The following IL36B variants were observed in gnomAD, a reference collection of about 807,000 sequenced individuals.
IL36B encodes interleukin-36 beta.
In IL36B, 23 loss-of-function variants were observed where a neutral mutation model predicts 19.3. The observed-to-expected ratio is 1.19, with a 90% confidence interval of 0.86 to 1.69. The LOEUF is 1.69. Ranked by LOEUF, IL36B falls within the 40% of genes most tolerant of loss-of-function variation. The probability of loss-of-function intolerance (pLI) is 0.00; values close to 1 mark genes in which losing one functional copy is unlikely to be tolerated. For missense variants in IL36B, 217 were observed against 200.5 expected (o/e 1.08, Z -0.50); for synonymous variants, 59 against 59.7 (o/e 0.99, Z 0.05).
At chr2:113,031,281 A>G in intron 2 of IL36B, 126 bp from the exon 3 acceptor site, 1 of 684,922 alleles carries the variant, frequency 1.5e-6, no homozygotes, top group Non-Finnish European at 2.6e-6. Flanking sequence ...AGTAGTGGCT[A>G]TAACGATAAA....
At chr2:113,044,937 C>CAAATATATATGTAATAA (rs1685323974) in intron 1 of IL36B, among the ~76,000 whole-genome samples, 1 of 152,066 alleles carries the variant, frequency 6.6e-6, no homozygotes, top group African/African-American at 2.4e-5. Flanking sequence ...CACAGTCTCC[C>CAAATATATATGTAATAA]ATAGTAAAAT....
intron 1 of IL36B, among the ~76,000 whole-genome samples, chr2:113,050,462 G>C (rs1685423956): frequency 6.6e-6 from 1 of 152,146 alleles, no homozygotes; most frequent in South Asian, 2.1e-4. Context: ...GGGGAGTGAG[G>C]AGTTATTGTT....
At chr2:113,033,664 T>A (rs1361416272) in intron 1 of IL36B, among the ~76,000 whole-genome samples, 12 of 152,098 alleles carry the variant, frequency 7.9e-5, no homozygotes, top group Admixed American at 7.9e-4. Flanking sequence ...AGAAGCCAAG[T>A]CTCTCTATTC....
At chr2:113,027,927 G>A in intron 4 of IL36B, 1 of 1,614,168 alleles carries the variant, frequency 6.2e-7, no homozygotes. Flanking sequence ...CTAAGTAGAA[G>A]TTAGTGTTAT....
intron 4 of IL36B, chr2:113,028,022 A>G: frequency 6.2e-7 from 1 of 1,614,158 alleles, no homozygotes; most frequent in Non-Finnish European, 8.5e-7. Context: ...TAAGAGACTG[A>G]CTGAAAGACA....
At chr2:113,026,305 C>T (rs554454182) in intron 4 of IL36B, 142 of 1,593,554 alleles carry the variant, frequency 8.9e-5, no homozygotes, top group African/African-American at 7.9e-4. Context: ...GTTGGTTGCA[C>T]GGCAATGACT....
rs531834798 is a variant in IL36B, at chr2:113,026,052, G to A, written c.391+51C>T. 2.3e-5 allele frequency: 37 copies of A among 1,594,150 alleles called. No individual in the cohort carries two copies. In the East Asian group the frequency reaches 2.5e-4, roughly 11 times the overall value. On this transcript the variant is annotated intron_variant, in intron 5 of 5. Coordinates refer to ENST00000259213, the MANE Select transcript of IL36B (RefSeq NM_014438.5). ...CTCTGAGGAACCATGAAGAATGAAC[G>A]CATCTCAGAATTGTCCACCTGTGGG...
chr2:113,031,012 C>T (rs752472842), intron 3 of IL36B, 36 bp downstream of exon 3: 4 of 1,451,424 alleles, frequency 2.8e-6, no homozygotes, highest in East Asian at 2.3e-5. Flanking sequence ...GATGGCATCA[C>T]CTCAAGAAGC....
In IL36B at chr2:113,022,218, C is replaced by T. The variant is rs1367647389; in HGVS notation, c.*456G>A. 1.3e-5 allele frequency: 2 copies of T among 153,466 alleles called. No individual in the cohort carries two copies. Among genetic ancestry groups the T allele is most frequent in the African/African-American group, 2.4e-5 (1 of 41,426 alleles). The allele number at this position is 153,466 out of a possible 1,614,324, so 9.5% of individuals were successfully genotyped here. On this transcript the variant is annotated 3_prime_UTR_variant, in exon 6 of 6. Transcript: ENST00000259213. ...ACATACTAAACAGAGCGTTTCACTC[C>T]TCATGCTCTAGTGAATAATTGCACA...
chr2:113,039,143 GACTC>G (rs1158623952), intron 1 of IL36B, among the ~76,000 whole-genome samples: 6 of 152,192 alleles, frequency 3.9e-5, no homozygotes, highest in Non-Finnish European at 8.8e-5. Flanking sequence ...CTGGATATGA[GACTC>G]ACTCTGGTCA....
intron 5 of IL36B, among the ~76,000 whole-genome samples, chr2:113,024,019 T>G (rs1011852061): frequency 6.6e-6 from 1 of 152,152 alleles, no homozygotes; most frequent in African/African-American, 2.4e-5. Context: ...AGGGCAGATA[T>G]GCATGCTGAT....
Position 113,022,155 on chromosome 2 carries a change from T to C in IL36B, c.*519A>G, listed in dbSNP as rs1684872237. The C allele has an allele frequency of 6.6e-6, 1 of 152,272 alleles. No individual in the cohort carries two copies. The highest frequency in any genetic ancestry group is 2.4e-5 in the African/African-American group (1 of 41,466). 9.4% of individuals were successfully genotyped at this position (152,272 alleles called of 1,614,324 possible). A position where few individuals can be genotyped will look rare whatever the true frequency, so the allele number is the denominator to read the frequency against. On this transcript the variant is annotated 3_prime_UTR_variant, in exon 6 of 6. Transcript: ENST00000259213. ...TAGAATTTTTAAGAAGAAATGTCTTTCAATTACTTTTAATTGTATGTGTTC... is the reference window on the plus strand; with the variant it reads ...TAGAATTTTTAAGAAGAAATGTCTTCCAATTACTTTTAATTGTATGTGTTC...
Position 113,026,208 on chromosome 2 carries a change from C to T in IL36B, c.286G>A (p.Gly96Arg). Residue 96 changes from glycine (G) to arginine (R), a missense_variant, in exon 5 of 6, where the codon GGG becomes AGG. Transcript: ENST00000259213. ...ACTAGTTTCCAGCAAGTGTCCTTCC[C>T]TATGTTATCTTGGGAGCCCTGAAGC... 1 of 1,613,778 alleles carries T rather than the reference C, an allele frequency of 6.2e-7. No homozygotes were observed. Among genetic ancestry groups the T allele is most frequent in the Non-Finnish European group, 8.5e-7 (1 of 1,179,782 alleles).
chr2:113,047,514 T>C (rs758264552), intron 1 of IL36B, among the ~76,000 whole-genome samples: 8 of 152,154 alleles, frequency 5.3e-5, no homozygotes, highest in Non-Finnish European at 1.0e-4. Flanking sequence ...ATTTGATCCA[T>C]TTGGGACTTG....
intron 1 of IL36B, among the ~76,000 whole-genome samples, chr2:113,039,571 A>G (rs1685219378): frequency 6.6e-6 from 1 of 152,164 alleles, no homozygotes; most frequent in Non-Finnish European, 1.5e-5. Flanking sequence ...AGAGGGGAGG[A>G]TGAACAAAGG....
intron 4 of IL36B, among the ~76,000 whole-genome samples, chr2:113,027,179 AC>A (rs34111603): frequency 0.074 from 11,189 of 152,214 alleles, 1,253 homozygotes; most frequent in African/African-American, 0.24. Context: ...GATCATCATA[AC>A]AATCTATCCT....
chr2:113,024,652 C>T (rs1684921222), intron 5 of IL36B, among the ~76,000 whole-genome samples: 1 of 152,202 alleles, frequency 6.6e-6, no homozygotes, highest in South Asian at 2.1e-4. Context: ...ATCACAATGT[C>T]CTCACTCCTC....
chr2:113,023,633 A>G (rs1250096786), intron 5 of IL36B, among the ~76,000 whole-genome samples: 1 of 152,224 alleles, frequency 6.6e-6, no homozygotes, highest in Non-Finnish European at 1.5e-5. Flanking sequence ...TCCTTAGTTA[A>G]GGAGACAACC....
At chr2:113,035,579 A>AG (rs1168871397) in intron 1 of IL36B, among the ~76,000 whole-genome samples, 2 of 152,206 alleles carry the variant, frequency 1.3e-5, no homozygotes, top group African/African-American at 2.4e-5. Context: ...ATATCCAGTG[A>AG]GAAAAAAAGC....
Sources: allele counts gnomAD v4.1 joint callset (sites outside exome capture counted in the v4.1 genomes callset), GRCh38; gene constraint gnomAD v4.1.1; transcripts MANE v1.5; gene names NCBI Gene and HGNC (gene_info 2026-07-23, HGNC 2026-07-21).